Variants in WWOX observed in about 807,000 individuals in gnomAD.
The protein encoded by WWOX is WW domain containing oxidoreductase, also known as WW domain-containing oxidoreductase.
A neutral mutation model predicts 46.2 loss-of-function variants in WWOX; 69 were observed. The ratio of observed to expected loss-of-function variants is 1.49; its 90% CI spans 1.23 to 1.82. The LOEUF (loss-of-function observed/expected upper bound fraction) is 1.82. Among genes scored for constraint, WWOX ranks in the 40% most tolerant of loss-of-function variants. The probability of loss-of-function intolerance (pLI) is 0.00; values close to 1 mark genes in which losing one functional copy is unlikely to be tolerated. For synonymous variants in WWOX, 359 were observed against 202.6 expected, an observed-to-expected ratio of 1.77 and a Z score of -6.56; for missense variants, 919 against 542.6, an observed-to-expected ratio of 1.69 and a Z score of -6.89.
At chr16:78,605,459 C>G (rs918713989) in intron 8 of WWOX, among the ~76,000 whole-genome samples, 2 of 152,024 alleles carry the variant, frequency 1.3e-5, no homozygotes, top group African/African-American at 4.8e-5. Flanking sequence ...GGCAAGACCA[C>G]TCCAGCCTAT....
chr16:78,652,740 A>G (rs72794714), intron 8 of WWOX, among the ~76,000 whole-genome samples: 8,209 of 151,474 alleles, frequency 0.054, 291 homozygotes, highest in Non-Finnish European at 0.076. Flanking sequence ...TTCTTCTGTG[A>G]TAAAAATAGA....
chr16:78,479,218 C>A (rs764094274), intron 8 of WWOX, among the ~76,000 whole-genome samples: 29 of 152,164 alleles, frequency 1.9e-4, no homozygotes, highest in African/African-American at 7.0e-4. Context: ...TCATCCAATA[C>A]GTATTGAATA....
intron 8 of WWOX, among the ~76,000 whole-genome samples, chr16:78,936,740 C>G (rs1311009865): frequency 1.3e-5 from 2 of 151,920 alleles, no homozygotes; most frequent in South Asian, 2.1e-4. Flanking sequence ...GAAAATGGCT[C>G]CAGTGGATCA....
chr16:78,773,484 T>A (rs1444365175), intron 8 of WWOX, among the ~76,000 whole-genome samples: 3 of 152,168 alleles, frequency 2.0e-5, no homozygotes, highest in African/African-American at 7.2e-5. Context: ...GGCAGCAGGG[T>A]ACTTTGTCCC....
intron 8 of WWOX, among the ~76,000 whole-genome samples, chr16:78,705,111 T>C (rs556947060): frequency 9.2e-5 from 14 of 152,298 alleles, no homozygotes; most frequent in African/African-American, 3.1e-4. Flanking sequence ...AGTGCCGCAG[T>C]GTTTTCAGTG....
intron 8 of WWOX, among the ~76,000 whole-genome samples, chr16:78,527,758 A>C (rs1477952020): frequency 6.6e-6 from 1 of 152,012 alleles, no homozygotes; most frequent in Admixed American, 6.6e-5. Context: ...ATTGCCTGCC[A>C]GGGAATGCAT....
At chr16:78,923,815 T>TC (rs2045435849) in intron 8 of WWOX, among the ~76,000 whole-genome samples, 2 of 147,644 alleles carry the variant, frequency 1.4e-5, no homozygotes, top group Non-Finnish European at 3.0e-5. Context: ...TTTTTTTTTT[T>TC]TTCAGACGGA....
At chr16:79,204,113 T>C (rs7203866) in intron 8 of WWOX, 104,532 of 151,396 alleles carry the variant, frequency 0.69, 37,184 homozygotes, top group Non-Finnish European at 0.75. Flanking sequence ...TGCTTGGCTA[T>C]TTCAAACCAA....
At chr16:78,696,376 C>T (rs1490014253) in intron 8 of WWOX, among the ~76,000 whole-genome samples, 1 of 152,270 alleles carries the variant, frequency 6.6e-6, no homozygotes, top group Non-Finnish European at 1.5e-5. Flanking sequence ...TAGACAGTCC[C>T]TGACTTATAA....
intron 8 of WWOX, among the ~76,000 whole-genome samples, chr16:78,798,358 A>G (rs1031923945): frequency 6.6e-6 from 1 of 152,202 alleles, no homozygotes; most frequent in African/African-American, 2.4e-5. Flanking sequence ...TAGAGGTCAG[A>G]TGTCAAAAAA....
chr16:78,356,837 G>C (rs2081304985), intron 5 of WWOX, among the ~76,000 whole-genome samples: 2 of 152,050 alleles, frequency 1.3e-5, no homozygotes, highest in South Asian at 4.1e-4. Flanking sequence ...AGCTGAGATG[G>C]CACCATTGCA....
At chr16:78,356,139 G>T (rs1026301469) in intron 5 of WWOX, among the ~76,000 whole-genome samples, 1 of 137,518 alleles carries the variant, frequency 7.3e-6, no homozygotes, top group African/African-American at 2.7e-5. Context: ...GTGAGCCAAG[G>T]TCATGCCACT....
chr16:78,928,295 C>A (rs377362529), intron 8 of WWOX, among the ~76,000 whole-genome samples: 1 of 151,054 alleles, frequency 6.6e-6, no homozygotes, highest in Non-Finnish European at 1.5e-5. Flanking sequence ...CTCCGCCTCC[C>A]GGGTTCACGC....
intron 8 of WWOX, among the ~76,000 whole-genome samples, chr16:78,848,611 G>A (rs1329558761): frequency 1.3e-5 from 2 of 152,074 alleles, no homozygotes. Context: ...GAGTGGGAAG[G>A]GCAGGAGTAT....
Position 78,422,516 on chromosome 16 carries a change from C to T in WWOX, c.606-2354C>T, listed in dbSNP as rs905299338. 1.6e-3 allele frequency among the ~76,000 whole-genome samples: 235 copies of T among 149,924 alleles called. 1 individual carries two copies. The highest frequency in any genetic ancestry group is 5.4e-3 in the African/African-American group (219 of 40,888). Reference sequence around the variant, plus strand: ...CACACCACCACACCTGGCTCACTTTCGGGTGGTTGTTGTTGAGATGGGGTC... The same window carrying T: ...CACACCACCACACCTGGCTCACTTTTGGGTGGTTGTTGTTGAGATGGGGTC... On this transcript the variant is annotated intron_variant, in intron 6 of 8. Coordinates refer to ENST00000566780, the MANE Select transcript of WWOX (RefSeq NM_016373.4).
At chr16:78,736,899 G>A (rs2049105134) in intron 8 of WWOX, among the ~76,000 whole-genome samples, 1 of 151,776 alleles carries the variant, frequency 6.6e-6, no homozygotes, top group African/African-American at 2.4e-5. Context: ...ATGAGGCAAT[G>A]TGCCCGGCCC....
intron 8 of WWOX, among the ~76,000 whole-genome samples, chr16:78,520,625 G>T (rs962136592): frequency 6.6e-6 from 1 of 151,844 alleles, no homozygotes; most frequent in Non-Finnish European, 1.5e-5. Context: ...TGGGAGTGGG[G>T]TGGGGTGGGG....
At chr16:78,378,665 T>C (rs771536508) in intron 5 of WWOX, among the ~76,000 whole-genome samples, 43 of 152,190 alleles carry the variant, frequency 2.8e-4, no homozygotes, top group Non-Finnish European at 1.2e-4. Flanking sequence ...TTTAAGGTTT[T>C]AGAACATAAA....
chr16:78,570,518 T>A (rs1316608420), intron 8 of WWOX, among the ~76,000 whole-genome samples: 1 of 152,094 alleles, frequency 6.6e-6, no homozygotes, highest in Non-Finnish European at 1.5e-5. Context: ...TATCGCTTGT[T>A]GCTCAGGCTG....
Sources: gnomAD v4.1 joint callset for allele counts (sites outside exome capture counted in the v4.1 genomes callset) on GRCh38, gnomAD v4.1.1 for gene constraint, MANE v1.5 for transcripts, NCBI Gene and HGNC (gene_info 2026-07-23, HGNC 2026-07-21) for gene names.